ZNF804B: variants seen among roughly 807,000 people sequenced by gnomAD.
The protein encoded by ZNF804B is zinc finger protein 804B.
A neutral mutation model predicts 101.4 loss-of-function variants in ZNF804B; 80 were observed. The ratio of observed to expected loss-of-function variants is 0.79; its 90% CI spans 0.66 to 0.95. The LOEUF (loss-of-function observed/expected upper bound fraction) is 0.95. Ranked by LOEUF, ZNF804B falls within the 40% of genes least tolerant of loss-of-function variation. The pLI is 0.00. For missense variants in ZNF804B, 1,673 were observed against 1,561.9 expected, an observed-to-expected ratio of 1.07 and a Z score of -1.20; for synonymous variants, 622 against 558.8, an observed-to-expected ratio of 1.11 and a Z score of -1.59.
intron 1 of ZNF804B, among the ~76,000 whole-genome samples, chr7:89,092,783 AT>A (rs1789914164): frequency 1.3e-5 from 2 of 152,030 alleles, no homozygotes; most frequent in African/African-American, 4.8e-5. Context: ...GATTATGATT[AT>A]TTTTGAACAC....
intron 1 of ZNF804B, among the ~76,000 whole-genome samples, chr7:88,886,382 T>A (rs796351208): frequency 5.9e-5 from 9 of 152,078 alleles, no homozygotes; most frequent in African/African-American, 1.9e-4. Context: ...GATGAAGTAA[T>A]CTTTACAACA....
At chr7:88,869,843 G>C (rs1313572129) in intron 1 of ZNF804B, among the ~76,000 whole-genome samples, 1 of 152,144 alleles carries the variant, frequency 6.6e-6, no homozygotes, top group East Asian at 1.9e-4. Context: ...AGGAGGACAA[G>C]CAAGTGCAGG....
At chr7:88,828,216 T>C (rs1363665385) in intron 1 of ZNF804B, among the ~76,000 whole-genome samples, 3 of 152,160 alleles carry the variant, frequency 2.0e-5, no homozygotes, top group Non-Finnish European at 4.4e-5. Flanking sequence ...TAATATGCAA[T>C]AAATGCAACC....
chr7:89,221,160 G>A (rs913715226), intron 2 of ZNF804B, among the ~76,000 whole-genome samples: 11 of 151,570 alleles, frequency 7.3e-5, no homozygotes, highest in East Asian at 1.9e-4. Flanking sequence ...TAATGATTTC[G>A]TAGACATCAA....
At chr7:88,923,751 A>T (rs1328880111) in intron 1 of ZNF804B, among the ~76,000 whole-genome samples, 2 of 152,096 alleles carry the variant, frequency 1.3e-5, no homozygotes, top group African/African-American at 4.8e-5. Context: ...ACCTTATTCT[A>T]TGCTAATAAA....
intron 1 of ZNF804B, among the ~76,000 whole-genome samples, chr7:89,198,519 A>T (rs1788587230): frequency 6.6e-6 from 1 of 151,948 alleles, no homozygotes; most frequent in African/African-American, 2.4e-5. Context: ...TGTGTTTTAT[A>T]CTAAATAAAA....
At chr7:88,942,476 T>A (rs1229500091) in intron 1 of ZNF804B, among the ~76,000 whole-genome samples, 2 of 149,498 alleles carry the variant, frequency 1.3e-5, no homozygotes, top group Admixed American at 6.7e-5. Flanking sequence ...GGAGATTATG[T>A]TTTGGTATAA....
chr7:88,961,769 AATG>A (rs1793388620), intron 1 of ZNF804B, among the ~76,000 whole-genome samples: 1 of 151,340 alleles, frequency 6.6e-6, no homozygotes, highest in East Asian at 2.0e-4. Flanking sequence ...AGTAAAGAAA[AATG>A]ATGATTGCTC....
At chr7:88,800,876 G>A (rs1790570009) in intron 1 of ZNF804B, among the ~76,000 whole-genome samples, 1 of 151,888 alleles carries the variant, frequency 6.6e-6, no homozygotes, top group African/African-American at 2.4e-5. Context: ...AAGATTCCTG[G>A]TCTCTAGGCC....
At chr7:89,043,883 A>T (rs1336767951) in intron 1 of ZNF804B, among the ~76,000 whole-genome samples, 3 of 152,206 alleles carry the variant, frequency 2.0e-5, no homozygotes, top group African/African-American at 4.8e-5. Flanking sequence ...GTGAATATAT[A>T]TTAAGAGATA....
At chr7:89,120,674 ATT>A (rs956860774) in intron 1 of ZNF804B, among the ~76,000 whole-genome samples, 23 of 150,594 alleles carry the variant, frequency 1.5e-4, no homozygotes, top group African/African-American at 4.4e-4. Context: ...AAAAAAAAAA[ATT>A]AAAAATCCAA....
chr7:88,805,364 TA>T (rs1423254833), intron 1 of ZNF804B, among the ~76,000 whole-genome samples: 2 of 152,164 alleles, frequency 1.3e-5, no homozygotes, highest in Non-Finnish European at 2.9e-5. Flanking sequence ...AACAACATAA[TA>T]AAATATTTTT....
At chr7:89,290,347 G>C (rs1584107695) in intron 2 of ZNF804B, among the ~76,000 whole-genome samples, 2 of 152,132 alleles carry the variant, frequency 1.3e-5, no homozygotes, top group East Asian at 3.9e-4. Flanking sequence ...AAAAGCAAAG[G>C]GAACACTGTC....
At chr7:88,780,031 C>G (rs891411321) in intron 1 of ZNF804B, among the ~76,000 whole-genome samples, 2 of 152,206 alleles carry the variant, frequency 1.3e-5, no homozygotes, top group East Asian at 3.9e-4. Context: ...TGGGTATATA[C>G]ATAATCAACA....
intron 1 of ZNF804B, among the ~76,000 whole-genome samples, chr7:89,014,520 GT>G (rs1788511852): frequency 6.6e-6 from 1 of 152,136 alleles, no homozygotes; most frequent in Non-Finnish European, 1.5e-5. Flanking sequence ...GTTTCACCGT[GT>G]TAGCCAGAAT....
At chr7:88,933,228 T>A (rs959255274) in intron 1 of ZNF804B, among the ~76,000 whole-genome samples, 1 of 151,874 alleles carries the variant, frequency 6.6e-6, no homozygotes, top group Non-Finnish European at 1.5e-5. Context: ...AGAAAAAGCA[T>A]TTGATAAAAT....
intron 1 of ZNF804B, among the ~76,000 whole-genome samples, chr7:88,832,526 G>A (rs544622962): frequency 2.0e-5 from 3 of 151,914 alleles, no homozygotes; most frequent in South Asian, 4.1e-4. Context: ...AGATAAAAGC[G>A]GGAGCTATTT....
At chr7:89,092,902 T>C (rs1789917094) in intron 1 of ZNF804B, among the ~76,000 whole-genome samples, 1 of 152,228 alleles carries the variant, frequency 6.6e-6, no homozygotes, top group South Asian at 2.1e-4. Flanking sequence ...ATCTGGGTGC[T>C]AGATGTATTC....
At chr7:89,220,116 C>CGT in intron 2 of ZNF804B, among the ~76,000 whole-genome samples, 1 of 47,530 alleles carries the variant, frequency 2.1e-5, no homozygotes, top group African/African-American at 1.1e-4. Flanking sequence ...TGTGTATATA[C>CGT]ATATATATAC....
Sources: gnomAD v4.1 joint callset for allele counts (sites outside exome capture counted in the v4.1 genomes callset) on GRCh38, gnomAD v4.1.1 for gene constraint, MANE v1.5 for transcripts, NCBI Gene and HGNC (gene_info 2026-07-23, HGNC 2026-07-21) for gene names.